IZUMO4: variants seen among roughly 807,000 people sequenced by gnomAD.
IZUMO4 encodes the protein IZUMO family member 4, also known as izumo sperm-egg fusion protein 4.
In IZUMO4, 51 loss-of-function variants were observed where a neutral mutation model predicts 37.1. The observed-to-expected ratio is 1.38, with a 90% confidence interval of 1.10 to 1.74. The LOEUF (loss-of-function observed/expected upper bound fraction) is 1.74. Ranked by LOEUF, IZUMO4 falls within the 40% of genes most tolerant of loss-of-function variation. The pLI is 0.00. For synonymous variants in IZUMO4, 162 were observed against 121.4 expected (o/e 1.33, Z -2.20); for missense variants, 364 against 299.6 (o/e 1.21, Z -1.59).
rs1217825690 is a variant in IZUMO4 at position 2,099,341 on chromosome 19, A to T, written c.695A>T (p.His232Leu). The change falls in exon 10 of 10, where the codon CAC (histidine) becomes CTC (leucine). Residue 232 changes from histidine (H) to leucine (L), a missense_variant. Coordinates refer to ENST00000395301, the MANE Select transcript of IZUMO4 (RefSeq NM_001039846.2). ...LEDAAECLKQ[H>L] ...GATGCTGCTGAGTGTCTCAAGCAGCACTGACAGCAGCTGGGCCTGCCCCAG... is the reference window on the plus strand; with the variant it reads ...GATGCTGCTGAGTGTCTCAAGCAGCTCTGACAGCAGCTGGGCCTGCCCCAG... The T allele has an allele frequency of 6.2e-7, 1 of 1,611,468 alleles. No individual in the cohort carries two copies. Among genetic ancestry groups the T allele is most frequent in the Non-Finnish European group, 8.5e-7 (1 of 1,178,920 alleles).
At chr19:2,097,365 C>A (rs760185798) in intron 2 of IZUMO4, 33 bp downstream of exon 2, 2 of 1,605,076 alleles carry the variant, frequency 1.2e-6, no homozygotes, top group South Asian at 1.1e-5. Context: ...GGGGCCCCCC[C>A]ACCCCGGGAC....
chr19:2,098,856 A>T, intron 8 of IZUMO4, 52 bp downstream of exon 8: 105 of 1,206,698 alleles, frequency 8.7e-5, no homozygotes, highest in Middle Eastern at 1.9e-4. Context: ...GGGAGAGAGG[A>T]GGGGGGCTAG....
At position 2,098,065 on chromosome 19, in the gene IZUMO4, C is replaced by G. The variant is rs150883144; in HGVS notation, c.411C>G (p.Tyr137Ter). The G allele has an allele frequency of 8.1e-6, 13 of 1,613,468 alleles. No homozygotes were observed. The highest frequency in any genetic ancestry group is 1.1e-5 in the Non-Finnish European group (13 of 1,179,998). ...TACGTGTTTCAGGCATCTTCCAGTA[C>G]GAGACCATCTCCTGCAACAACTGCA... The part of the protein sequence containing the change: ...DCQHRCGIFQ[Y>*]ETISCNNCTD... Residue 137 changes from tyrosine to a stop codon, truncating the protein, a stop_gained, in exon 5 of 10, where the codon TAC becomes TAG. Transcript: ENST00000395301. LOFTEE classifies it high-confidence loss of function.
At chr19:2,097,699 G>T in intron 3 of IZUMO4, 1 of 680,516 alleles carries the variant, frequency 1.5e-6, no homozygotes, top group South Asian at 1.8e-5. Context: ...GTAGCCCCCA[G>T]AGGCGCTGGG....
Position 2,097,422 on chromosome 19 carries a change from A to G in IZUMO4, c.299-2A>G. ...TGACCTTCTCCTGCCTCGACGACTC[A>G]GGGTATTTCCCCAACGAGCTGCGAA... On this transcript the variant is annotated splice_acceptor_variant, in intron 2 of 9. Coordinates refer to ENST00000395301, the MANE Select transcript of IZUMO4 (RefSeq NM_001039846.2). LOFTEE classifies it high-confidence loss of function. 6.2e-7 allele frequency: 1 copy of G among 1,609,284 alleles called. No homozygotes were observed. Among genetic ancestry groups the G allele is most frequent in the Non-Finnish European group, 8.5e-7 (1 of 1,178,858 alleles).
In IZUMO4 at chr19:2,098,282, C is replaced by T. The variant is rs1233581991; in HGVS notation, c.474-5C>T. 19 of 1,613,706 alleles carry T rather than the reference C, an allele frequency of 1.2e-5. No homozygotes were observed. Among genetic ancestry groups the T allele is most frequent in the African/African-American group, 2.7e-5 (2 of 74,910 alleles). The stretch of plus-strand genomic sequence containing the variant: ...GCGCACCACTTCCAAGCCTGTGTCC[C>T]ACAGGTCCTCGGCGCAGTGGAAGTC... On this transcript the variant is annotated splice_region_variant and splice_polypyrimidine_tract_variant and intron_variant, in intron 5 of 9. Coordinates refer to ENST00000395301, the MANE Select transcript of IZUMO4 (RefSeq NM_001039846.2).
intron 7 of IZUMO4, 72 bp downstream of exon 7, chr19:2,098,522 C>G: frequency 6.2e-7 from 1 of 1,609,906 alleles, no homozygotes; most frequent in Non-Finnish European, 8.5e-7. Flanking sequence ...ATGTGTGGGG[C>G]ACAGGCTGGC....
intron 4 of IZUMO4, 26 bp from the exon 5 acceptor site, chr19:2,098,026 C>T (rs1362631328): frequency 1.2e-6 from 2 of 1,613,194 alleles, no homozygotes; most frequent in Non-Finnish European, 8.5e-7. Flanking sequence ...TGAGGGGAGC[C>T]CTGGCGGCTC....
In IZUMO4 at chr19:2,099,575, G is replaced by A. The variant is rs544837007; in HGVS notation, c.*230G>A. Reference sequence around the variant, plus strand: ...GCTGCGGGATGTGATTAAAGTCCCTGATGTTTCTCTTTGCAGAAGAGTTCT... The same window carrying A: ...GCTGCGGGATGTGATTAAAGTCCCTAATGTTTCTCTTTGCAGAAGAGTTCT... On this transcript the variant is annotated 3_prime_UTR_variant, in exon 10 of 10. Coordinates refer to ENST00000395301, the MANE Select transcript of IZUMO4 (RefSeq NM_001039846.2). 104 of 566,222 alleles carry A rather than the reference G, an allele frequency of 1.8e-4. 1 individual carries two copies. The African/African-American group carries it at 1.9e-3, about 10-fold the overall frequency. 35.1% of individuals were successfully genotyped at this position (566,222 alleles called of 1,614,324 possible). A position where few individuals can be genotyped will look rare whatever the true frequency, so the allele number is the denominator to read the frequency against.
At chr19:2,098,865 AG>A (rs58783004) in intron 8 of IZUMO4, 61 bp downstream of exon 8, 133,360 of 1,344,260 alleles carry the variant, frequency 0.099, 12,883 homozygotes, top group African/African-American at 0.5. Context: ...GAGGGGGGCT[AG>A]GGGGTCCTCT....
chr19:2,098,893 T>C, intron 8 of IZUMO4, 83 bp from the exon 9 acceptor site: 3 of 1,573,316 alleles, frequency 1.9e-6, no homozygotes, highest in Non-Finnish European at 2.6e-6. Context: ...GTGGGGGCAC[T>C]GCAGGTGGGG....
chr19:2,096,973 C>CT lies in IZUMO4; in HGVS notation c.29dup (p.Thr11AspfsTer146). The CT allele has an allele frequency of 6.2e-7, 1 of 1,608,238 alleles. No homozygotes were observed. The highest frequency in any genetic ancestry group is 2.2e-5 in the East Asian group (1 of 44,872). On this transcript the variant is annotated frameshift_variant, in exon 1 of 10. Transcript: ENST00000395301. LOFTEE classifies it high-confidence loss of function. Reference sequence around the variant, plus strand: ...GGCCCTGCTGCTGTGCCTGGTGTGCCTGACGGCGGCGCTGGCCCACGGCTG... The same window carrying CT: ...GGCCCTGCTGCTGTGCCTGGTGTGCCTTGACGGCGGCGCTGGCCCACGGCTG...
Position 2,098,351 on chromosome 19 carries a change from G to A in IZUMO4, c.521+17G>A, listed in dbSNP as rs1161899573. 2 of 1,613,912 alleles carry A rather than the reference G, an allele frequency of 1.2e-6. No individual in the cohort carries two copies. The highest frequency in any genetic ancestry group is 2.7e-5 in the African/African-American group (2 of 74,922). On this transcript the variant is annotated intron_variant, in intron 6 of 9. Transcript: ENST00000395301. ...GAACTACATGTGAGTGGGGTCTTTG[G>A]GTGGCAGCAAGCTCACCTGGGCCTG...
chr19:2,096,955 C>T lies in IZUMO4; in HGVS notation c.10C>T (p.Leu4=). 1.2e-6 allele frequency: 2 copies of T among 1,605,720 alleles called. No individual in the cohort carries two copies. The highest frequency in any genetic ancestry group is 1.7e-6 in the Non-Finnish European group (2 of 1,179,274). The change falls in exon 1 of 10, where the codon CTG becomes TTG. Residue 4 remains leucine (L), a synonymous_variant. Coordinates refer to ENST00000395301, the MANE Select transcript of IZUMO4 (RefSeq NM_001039846.2). MAL[L]LCLVCLTAAL... ...GCGGGCCGGGACGGGCATGGCCCTG[C>T]TGCTGTGCCTGGTGTGCCTGACGGC... is the stretch of plus-strand genomic sequence containing the variant.
chr19:2,098,993 TCTC>T lies in IZUMO4; in HGVS notation c.575_577del (p.Ser192del), dbSNP rs2017817780. 1 of 1,613,098 alleles carries T rather than the reference TCTC, an allele frequency of 6.2e-7. No homozygotes were observed. The highest frequency in any genetic ancestry group is 2.2e-5 in the East Asian group (1 of 44,882). ...ATGAACAGACCACGCTCCTCTGCCT[TCTC>T]CTGGCCTGGGACACACAGAGCCACC... On this transcript the variant is annotated inframe_deletion, in exon 9 of 10. Coordinates refer to ENST00000395301, the MANE Select transcript of IZUMO4 (RefSeq NM_001039846.2).
Position 2,099,465 on chromosome 19 carries a change from G to A in IZUMO4, c.*120G>A, listed in dbSNP as rs2017855491. 3 of 662,984 alleles carry A rather than the reference G, an allele frequency of 4.5e-6. No homozygotes were observed. Among genetic ancestry groups the A allele is most frequent in the Non-Finnish European group, 8.1e-6 (3 of 371,966 alleles). 41.1% of individuals were successfully genotyped at this position (662,984 alleles called of 1,614,324 possible). A position where few individuals can be genotyped will look rare whatever the true frequency, so the allele number is the denominator to read the frequency against. On this transcript the variant is annotated 3_prime_UTR_variant, in exon 10 of 10. Transcript: ENST00000395301. The stretch of plus-strand genomic sequence containing the variant: ...GACCCCCTCTCCGACCCCGGACAGA[G>A]CTGAGCTGGCCAGGGCCAGGAGGGC...
In IZUMO4 at chr19:2,098,088, GCA is replaced by G; in HGVS notation, c.437_438del (p.Thr146ArgfsTer10). 6.2e-7 allele frequency: 1 copy of G among 1,613,468 alleles called. No homozygotes were observed. The highest frequency in any genetic ancestry group is 8.5e-7 in the Non-Finnish European group (1 of 1,179,948). On this transcript the variant is annotated frameshift_variant, in exon 5 of 10. Transcript: ENST00000395301. LOFTEE classifies it high-confidence loss of function. ...TACGAGACCATCTCCTGCAACAACTGCACAGACTCGCACGTCGCCTGCTTTGG... is the reference window on the plus strand; with the variant it reads ...TACGAGACCATCTCCTGCAACAACTGCAGACTCGCACGTCGCCTGCTTTGG...
rs752214365 is a variant in IZUMO4, at chr19:2,099,441, A to AC, written c.*101dup. ...GGAGCTGGGCTGCTGCTGCCTCAGG[A>AC]CCCCCTCTCCGACCCCGGACAGAGC... On this transcript the variant is annotated 3_prime_UTR_variant, in exon 10 of 10. Coordinates refer to ENST00000395301, the MANE Select transcript of IZUMO4 (RefSeq NM_001039846.2). 1.6e-6 allele frequency: 1 copy of AC among 607,892 alleles called. No individual in the cohort carries two copies. Among genetic ancestry groups the AC allele is most frequent in the Non-Finnish European group, 2.6e-6 (1 of 378,958 alleles). 37.7% of individuals were successfully genotyped at this position (607,892 alleles called of 1,614,324 possible).
Position 2,098,009 on chromosome 19 carries a change from T to C in IZUMO4, c.398-43T>C, listed in dbSNP as rs772741438. 1.9e-4 allele frequency: 306 copies of C among 1,613,120 alleles called. 2 individuals carry two copies. The highest frequency in any genetic ancestry group is 9.4e-4 in the South Asian group (86 of 91,090). On this transcript the variant is annotated intron_variant, in intron 4 of 9. Coordinates refer to ENST00000395301, the MANE Select transcript of IZUMO4 (RefSeq NM_001039846.2). Reference sequence around the variant, plus strand: ...GCGTGCCGGTGGCAGCTCGGGGCCCTGGAGGCTGAGGGGAGCCCTGGCGGC... The same window carrying C: ...GCGTGCCGGTGGCAGCTCGGGGCCCCGGAGGCTGAGGGGAGCCCTGGCGGC...
Sources: gnomAD v4.1 joint callset for allele counts on GRCh38, gnomAD v4.1.1 for gene constraint, MANE v1.5 for transcripts, NCBI Gene and HGNC (gene_info 2026-07-23, HGNC 2026-07-21) for gene names.